The following SPG11 variants were observed in gnomAD, a reference collection of about 807,000 sequenced individuals.
The protein encoded by SPG11 is spatacsin.
SPG11 carries 222 observed loss-of-function variants against 274.0 expected under a neutral mutation model. That is an observed-to-expected ratio of 0.81 (90% CI 0.73 to 0.91). The LOEUF (loss-of-function observed/expected upper bound fraction) is 0.91. Among genes scored for constraint, SPG11 ranks in the 40% least tolerant of loss-of-function variants. SPG11 has a pLI of 0.00. For synonymous variants in SPG11, 1,144 were observed against 1,039.7 expected, an observed-to-expected ratio of 1.10 and a Z score of -1.93; for missense variants, 3,114 against 2,872.7, an observed-to-expected ratio of 1.08 and a Z score of -1.92.
At chr15:44,570,003 C>T (rs543861317) in intron 34 of SPG11, among the ~76,000 whole-genome samples, 309 of 152,274 alleles carry the variant, frequency 2.0e-3, no homozygotes, top group Non-Finnish European at 3.7e-3. Context: ...CCACCATGAA[C>T]GGCTTTGCTG....
At chr15:44,570,751 G>A in intron 33 of SPG11, 93 bp from the exon 34 acceptor site, 1 of 1,523,668 alleles carries the variant, frequency 6.6e-7, no homozygotes, top group Non-Finnish European at 8.9e-7. Flanking sequence ...GCCTGGTGGA[G>A]AAGGGGCCTG....
At chr15:44,622,152 TAACAAC>T in intron 13 of SPG11, 62 bp downstream of exon 13, 1 of 1,543,584 alleles carries the variant, frequency 6.5e-7, no homozygotes, top group Non-Finnish European at 8.9e-7. Context: ...TTGTGTTCAC[TAACAAC>T]TATAAATGAA....
At chr15:44,652,017 T>A in intron 5 of SPG11, 78 bp from the exon 6 acceptor site, 2 of 1,566,008 alleles carry the variant, frequency 1.3e-6, no homozygotes, top group Non-Finnish European at 1.7e-6. Context: ...AGGGCAAAGA[T>A]GTTCTTAAAA....
Position 44,652,208 on chromosome 15 carries a change from G to C in SPG11, c.928C>G (p.Pro310Ala), listed in dbSNP as rs1240374622. Residue 310 changes from proline to alanine, a missense_variant, in exon 5 of 40, where the codon CCT becomes GCT. By Grantham distance (27) the Pro-to-Ala change is conservative (BLOSUM62 -1). Transcript: ENST00000261866. ...GGATCATCTTCATCTACGCCCTTAG[G>C]TCCTTGAATAGGAAGATCTTCTAGT... ...RILEDLPIQG[P>A]KGVDEDDPVN... 3 of 1,613,940 alleles carry C rather than the reference G, an allele frequency of 1.9e-6. No individual in the cohort carries two copies. Among genetic ancestry groups the C allele is most frequent in the Non-Finnish European group, 1.7e-6 (2 of 1,179,968 alleles).
chr15:44,563,751 C>T (rs1198110033), intron 39 of SPG11, among the ~76,000 whole-genome samples: 4 of 152,094 alleles, frequency 2.6e-5, no homozygotes, highest in Admixed American at 1.3e-4. Flanking sequence ...TGCAGCCTCC[C>T]GAGTAACTAG....
intron 1 of SPG11, among the ~76,000 whole-genome samples, chr15:44,662,101 T>C (rs983254353): frequency 6.6e-6 from 1 of 152,178 alleles, no homozygotes; most frequent in African/African-American, 2.4e-5. Flanking sequence ...CATAGGTACT[T>C]GATACTGCTA....
At chr15:44,595,003 G>A (rs372720669) in intron 26 of SPG11, among the ~76,000 whole-genome samples, 4 of 152,134 alleles carry the variant, frequency 2.6e-5, no homozygotes, top group African/African-American at 9.7e-5. Context: ...TTTTAGTAGA[G>A]ACAGGGTTTC....
At chr15:44,570,023 G>A (rs931081591) in intron 34 of SPG11, among the ~76,000 whole-genome samples, 1 of 152,144 alleles carries the variant, frequency 6.6e-6, no homozygotes, top group Non-Finnish European at 1.5e-5. Flanking sequence ...GTCCTTAAAT[G>A]TGACTCTCAA....
chr15:44,658,883 A>G (rs113288658), intron 3 of SPG11, among the ~76,000 whole-genome samples, 196 bp downstream of exon 3: 1 of 152,382 alleles, frequency 6.6e-6, no homozygotes, highest in African/African-American at 2.4e-5. Flanking sequence ...ATACTGGAAA[A>G]TATTCAACTA....
chr15:44,568,823 C>CTA (rs1832199868), intron 35 of SPG11, among the ~76,000 whole-genome samples: 1 of 152,148 alleles, frequency 6.6e-6, no homozygotes, highest in African/African-American at 2.4e-5. Flanking sequence ...GCATTTAAGA[C>CTA]AGTAGAGGCA....
chr15:44,653,634 A>C (rs1211282996), intron 4 of SPG11, among the ~76,000 whole-genome samples: 2 of 152,206 alleles, frequency 1.3e-5, no homozygotes, highest in Non-Finnish European at 2.9e-5. Flanking sequence ...TGACGACAGA[A>C]GAGTTGAGAA....
At position 44,633,682 on chromosome 15, in the gene SPG11, G is replaced by GA. The variant is rs199611470; in HGVS notation, c.1603-46dup. On this transcript the variant is annotated intron_variant, in intron 7 of 39. Transcript: ENST00000261866. ...AAAAATCAGAAAAAAATTACAATAG[G>GA]AAAAAAAAATCAGGATTCAGATTTT... 0.011 allele frequency: 17,069 copies of GA among 1,574,866 alleles called. 331 individuals carry two copies. Among genetic ancestry groups the GA allele is most frequent in the East Asian group, 0.077 (3,402 of 44,058 alleles).
chr15:44,640,101 C>T (rs949053572), intron 7 of SPG11, among the ~76,000 whole-genome samples: 5 of 151,968 alleles, frequency 3.3e-5, no homozygotes, highest in African/African-American at 1.2e-4. Flanking sequence ...TCCCAGCTAC[C>T]TGGGAGGCTG....
intron 15 of SPG11, among the ~76,000 whole-genome samples, chr15:44,616,741 A>C (rs2083600885): frequency 1.3e-5 from 2 of 152,210 alleles, no homozygotes; most frequent in East Asian, 3.8e-4. Context: ...ACCTTTGAGA[A>C]AATTTAGCCA....
At chr15:44,619,224 T>C (rs1018422490) in intron 15 of SPG11, among the ~76,000 whole-genome samples, 4 of 152,208 alleles carry the variant, frequency 2.6e-5, no homozygotes, top group Non-Finnish European at 5.9e-5. Flanking sequence ...AAAATACAGC[T>C]GTAAGTATAC....
rs774925636 is a variant in SPG11, at chr15:44,563,064, C to T, written c.*57G>A. The T allele has an allele frequency of 4.5e-5, 69 of 1,540,816 alleles. No individual in the cohort carries two copies. The highest frequency in any genetic ancestry group is 5.7e-5 in the Non-Finnish European group (64 of 1,115,130). On this transcript the variant is annotated 3_prime_UTR_variant, in exon 40 of 40. Coordinates refer to ENST00000261866, the MANE Select transcript of SPG11 (RefSeq NM_025137.4). ...AAGATCTCCAATGCATTCTTCTTCT[C>T]ATCACATCTGTCAGAATCTGCTAAC...
At chr15:44,603,640 T>C (rs1412458196) in intron 20 of SPG11, among the ~76,000 whole-genome samples, 2 of 152,226 alleles carry the variant, frequency 1.3e-5, no homozygotes, top group East Asian at 3.8e-4. Flanking sequence ...GATATGAGTC[T>C]AGTCATCTCT....
intron 9 of SPG11, 122 bp downstream of exon 9, chr15:44,629,111 A>T (rs1379517396): frequency 8.5e-7 from 1 of 1,181,698 alleles, no homozygotes; most frequent in Non-Finnish European, 1.3e-6. Context: ...CTACACACTG[A>T]CCTTACCCAA....
At chr15:44,627,753 CTAAT>C (rs1422363477) in intron 10 of SPG11, among the ~76,000 whole-genome samples, 1 of 152,024 alleles carries the variant, frequency 6.6e-6, no homozygotes, top group African/African-American at 2.4e-5. Flanking sequence ...CCACACCTGG[CTAAT>C]TTTTTTGTAT....
Sources: allele counts gnomAD v4.1 joint callset (sites outside exome capture counted in the v4.1 genomes callset), GRCh38; gene constraint gnomAD v4.1.1; transcripts MANE v1.5; gene names NCBI Gene and HGNC (gene_info 2026-07-23, HGNC 2026-07-21).